The following DAZAP1 variants were observed in gnomAD, a reference collection of about 807,000 sequenced individuals.
DAZAP1 encodes the protein DAZ associated protein 1, also known as DAZ-associated protein 1.
Under a neutral mutation model 60.1 loss-of-function variants are expected in DAZAP1, and 6 were observed. That is an observed-to-expected ratio of 0.10 (90% CI 0.05 to 0.20). The LOEUF is 0.20. Among genes scored for constraint, DAZAP1 ranks in the 10% least tolerant of loss-of-function variants. DAZAP1 has a pLI of 1.00. For synonymous variants in DAZAP1, 235 were observed against 215.9 expected (o/e 1.09, Z -0.78); for missense variants, 366 against 560.4 (o/e 0.65, Z 3.50).
In DAZAP1 at chr19:1,422,227, C is replaced by T. The variant is rs2083178083; in HGVS notation, c.415-121C>T. 2.3e-6 allele frequency: 2 copies of T among 852,560 alleles called. No individual in the cohort carries two copies. Among genetic ancestry groups the T allele is most frequent in the East Asian group, 5.2e-5 (2 of 38,530 alleles). The allele number at this position is 852,560 out of a possible 1,614,324, so 52.8% of individuals were successfully genotyped here. On this transcript the variant is annotated intron_variant, in intron 5 of 11. Coordinates refer to ENST00000233078, the MANE Select transcript of DAZAP1 (RefSeq NM_018959.4). The surrounding 1 kb of genome is among the most constrained non-coding windows in gnomAD (Gnocchi z 4.5). ...GAGCAGCTGTTGCCCGTGCACCTCC[C>T]CCGCTCAGGGAGGGCGCACCCTGTG...
Position 1,411,456 on chromosome 19 carries a change from G to T in DAZAP1, c.29+3654G>T, listed in dbSNP as rs566771480. Among the ~76,000 whole-genome samples, 99 of 152,330 alleles carry T rather than the reference G, an allele frequency of 6.5e-4. 3 individuals are homozygous for T. Among genetic ancestry groups the T allele is most frequent in the Non-Finnish European group, 1.5e-4 (10 of 68,024 alleles). On this transcript the variant is annotated intron_variant, in intron 1 of 11. Transcript: ENST00000233078. ...CCTGGTTGCCCCTGCGCTGGGGGCC[G>T]CTGCTCCTTGTGGTTTATGGCTTGT...
rs1206146674 is a variant in DAZAP1 at position 1,428,188 on chromosome 19, T to G, written c.547-654T>G. 1 of 152,448 alleles carries G rather than the reference T, an allele frequency of 6.6e-6. No homozygotes were observed. The highest frequency in any genetic ancestry group is 1.5e-5 in the Non-Finnish European group (1 of 68,204). 9.4% of individuals were successfully genotyped at this position (152,448 alleles called of 1,614,324 possible). On this transcript the variant is annotated intron_variant, in intron 7 of 11. Transcript: ENST00000233078. The surrounding 1 kb of genome is among the most constrained non-coding windows in gnomAD (Gnocchi z 4.0). ...CGAACACAGTATGAAGATTGCTTACTGATCCAAATGTCCATTTTATTGCAT... is the reference window on the plus strand; with the variant it reads ...CGAACACAGTATGAAGATTGCTTACGGATCCAAATGTCCATTTTATTGCAT...
intron 1 of DAZAP1, among the ~76,000 whole-genome samples, chr19:1,412,653 AG>A (rs1171204912): frequency 6.6e-6 from 1 of 152,254 alleles, no homozygotes; most frequent in Non-Finnish European, 1.5e-5. Context: ...CCTAGGCCAG[AG>A]GAAGCCTCTG....
intron 8 of DAZAP1, 114 bp from the exon 9 acceptor site, chr19:1,429,853 A>G (rs546840918): frequency 7.6e-7 from 1 of 1,320,418 alleles, no homozygotes; most frequent in South Asian, 1.3e-5. Flanking sequence ...GGCTCTAAGC[A>G]CAGGAGGCTC....
intron 1 of DAZAP1, among the ~76,000 whole-genome samples, chr19:1,413,988 A>ACT (rs2082901141): frequency 2.1e-5 from 2 of 95,800 alleles, no homozygotes; most frequent in Admixed American, 1.0e-4. Flanking sequence ...CCCCCAGTGA[A>ACT]CTGTGTGTGT....
At chr19:1,424,353 TCCCCCTC>T (rs1394025415) in intron 6 of DAZAP1, among the ~76,000 whole-genome samples, 4 of 18,110 alleles carry the variant, frequency 2.2e-4, no homozygotes, top group Non-Finnish European at 3.4e-4. Context: ...CTCCTCCCCC[TCCCCCTC>T]CCCCCTCCCC....
chr19:1,411,484 T>G (rs1232802978), intron 1 of DAZAP1, among the ~76,000 whole-genome samples: 1 of 152,224 alleles, frequency 6.6e-6, no homozygotes, highest in Non-Finnish European at 1.5e-5. Context: ...TGGCTTGTCC[T>G]GTGTCGGCTC....
intron 5 of DAZAP1, 74 bp downstream of exon 5, chr19:1,421,332 T>G (rs2144808036): frequency 1.1e-5 from 15 of 1,371,104 alleles, no homozygotes; most frequent in East Asian, 4.8e-5. Flanking sequence ...TTCTTGGGGC[T>G]GGAGTGGCCG....
Position 1,430,301 on chromosome 19 carries a change from T to A in DAZAP1, c.810T>A (p.Pro270=). The A allele has an allele frequency of 9.3e-7, 1 of 1,077,766 alleles. No homozygotes were observed. The highest frequency in any genetic ancestry group is 1.5e-5 in the South Asian group (1 of 64,570). 66.8% of individuals were successfully genotyped at this position (1,077,766 alleles called of 1,614,324 possible). ...TCACCTCCTACATCGTGTCCACCCC[T>A]CCTGGAGGCTTTCCCCCTCCCCAGG... ...PPFTSYIVST[P]PGGFPPPQGF... Residue 270 remains proline (P), a synonymous_variant, in exon 10 of 12, where the codon CCT becomes CCA. Transcript: ENST00000233078.
In DAZAP1 at chr19:1,408,537, A is replaced by AC. The variant is rs914247328; in HGVS notation, c.29+742dup. ...GCTCCGGGCTCCCCGCTCCCATCCC[A>AC]CCCCCCCAAAGTGGTAAGGTCGGGA... On this transcript the variant is annotated intron_variant, in intron 1 of 11. Coordinates refer to ENST00000233078, the MANE Select transcript of DAZAP1 (RefSeq NM_018959.4). Among the ~76,000 whole-genome samples, 12 of 144,834 alleles carry AC rather than the reference A, an allele frequency of 8.3e-5. No individual in the cohort carries two copies. The South Asian group carries it at 9.3e-4, about 11-fold the overall frequency.
intron 1 of DAZAP1, among the ~76,000 whole-genome samples, chr19:1,414,720 A>G (rs1490610612): frequency 6.6e-6 from 1 of 152,098 alleles, no homozygotes; most frequent in East Asian, 1.9e-4. Context: ...TGGGCAACAC[A>G]GCGAGACAAT....
rs1224064520 is a variant in DAZAP1, at chr19:1,426,847, G to A, written c.546+887G>A. 2.0e-5 allele frequency: 3 copies of A among 152,194 alleles called. No homozygotes were observed. The highest frequency in any genetic ancestry group is 7.2e-5 in the African/African-American group (3 of 41,446). 9.4% of individuals were successfully genotyped at this position (152,194 alleles called of 1,614,324 possible). A position where few individuals can be genotyped will look rare whatever the true frequency, so the allele number is the denominator to read the frequency against. ...GTGGGATTCTGACCCGGCCTCCTTG[G>A]TGCGGCAGCTTCTCCCGTTAACGGA... is the stretch of plus-strand genomic sequence containing the variant. On this transcript the variant is annotated intron_variant, in intron 7 of 11. Transcript: ENST00000233078. The surrounding 1 kb of genome is among the most constrained non-coding windows in gnomAD (Gnocchi z 5.4).
Position 1,430,254 on chromosome 19 carries a change from G to GGCCCCCCCCCCCCCC in DAZAP1, c.763_764insGCCCCCCCCCCCCCC (p.Ala255delinsGlyProProProProPro). ...TGGACCGCCCCCTGCAGGAAGAGGA[G>GGCCCCCCCCCCCCCC]CCCCCCCGCCACCCCCACCGTTCAC... On this transcript the variant is annotated protein_altering_variant, in exon 10 of 12. Coordinates refer to ENST00000233078, the MANE Select transcript of DAZAP1 (RefSeq NM_018959.4). 5.4e-6 allele frequency: 7 copies of GGCCCCCCCCCCCCCC among 1,295,242 alleles called. No individual in the cohort carries two copies. The highest frequency in any genetic ancestry group is 6.5e-6 in the Non-Finnish European group (6 of 924,052). The allele number at this position is 1,295,242 out of a possible 1,614,324, so 80.2% of individuals were successfully genotyped here. A position where few individuals can be genotyped will look rare whatever the true frequency, so the allele number is the denominator to read the frequency against.
intron 1 of DAZAP1, among the ~76,000 whole-genome samples, chr19:1,413,377 A>T (rs932835131): frequency 6.6e-6 from 1 of 152,124 alleles, no homozygotes; most frequent in African/African-American, 2.4e-5. Context: ...CCGGCTTCTC[A>T]CTCACGACCT....
intron 1 of DAZAP1, among the ~76,000 whole-genome samples, chr19:1,408,589 G>C (rs2082733576): frequency 1.3e-5 from 2 of 152,330 alleles, no homozygotes; most frequent in Middle Eastern, 6.8e-3. Flanking sequence ...GGGCCCAGGG[G>C]GCTCGGGTCA....
chr19:1,424,116 G>A (rs1045552386), intron 6 of DAZAP1, among the ~76,000 whole-genome samples: 6 of 151,512 alleles, frequency 4.0e-5, no homozygotes, highest in African/African-American at 9.7e-5. Flanking sequence ...ACTGACTGAA[G>A]GTCATGGCCA....
In DAZAP1 at chr19:1,433,910, G is replaced by C; in HGVS notation, c.1049-827G>C. 2.3e-6 allele frequency: 3 copies of C among 1,302,948 alleles called. No individual in the cohort carries two copies. The highest frequency in any genetic ancestry group is 3.5e-5 in the Admixed American group (2 of 57,542). 80.7% of individuals were successfully genotyped at this position (1,302,948 alleles called of 1,614,324 possible). A position where few individuals can be genotyped will look rare whatever the true frequency, so the allele number is the denominator to read the frequency against. ...TGGCTTCCTCTGCCGTCCCGGGCGG[G>C]GGTGGACGCTGGCGGTGCCCTCTGG... On this transcript the variant is annotated intron_variant, in intron 11 of 11. Transcript: ENST00000233078. This position sits in a 1 kb window ranked among gnomAD's most constrained non-coding sequence, Gnocchi z 6.1.
Position 1,418,867 on chromosome 19 carries a change from T to C in DAZAP1, c.303+136T>C. 1 of 827,888 alleles carries C rather than the reference T, an allele frequency of 1.2e-6. No homozygotes were observed. The highest frequency in any genetic ancestry group is 1.9e-6 in the Non-Finnish European group (1 of 527,664). The allele number at this position is 827,888 out of a possible 1,614,324, so 51.3% of individuals were successfully genotyped here. A position where few individuals can be genotyped will look rare whatever the true frequency, so the allele number is the denominator to read the frequency against. ...TCTTCTGGGTTGGCACTCGAGCAGC[T>C]GAGGATCACCCAGATTTATCAGTGC... On this transcript the variant is annotated intron_variant, in intron 4 of 11. Transcript: ENST00000233078. The surrounding 1 kb of genome is among the most constrained non-coding windows in gnomAD (Gnocchi z 5.7).
At chr19:1,410,951 G>A (rs916034933) in intron 1 of DAZAP1, among the ~76,000 whole-genome samples, 12 of 152,246 alleles carry the variant, frequency 7.9e-5, no homozygotes, top group African/African-American at 2.9e-4. Context: ...GTGGCCGGGG[G>A]CCATGCAGCT....
Sources: gnomAD v4.1 joint callset for allele counts (sites outside exome capture counted in the v4.1 genomes callset) on GRCh38, gnomAD v4.1.1 for gene constraint, Gnocchi (gnomAD v3.1) non-coding constraint, MANE v1.5 for transcripts, NCBI Gene and HGNC (gene_info 2026-07-23, HGNC 2026-07-21) for gene names.